The following SLC24A3 variants were observed in gnomAD, a reference collection of about 807,000 sequenced individuals.
SLC24A3 encodes the protein sodium/potassium/calcium exchanger 3.
In SLC24A3, 28 loss-of-function variants were observed where a neutral mutation model predicts 75.8. The ratio of observed to expected loss-of-function variants is 0.37; its 90% CI spans 0.27 to 0.51. The LOEUF is 0.51. SLC24A3 is among the 20% of genes least tolerant of loss of function. SLC24A3 has a pLI of 0.94. For missense variants in SLC24A3, 663 were observed against 847.8 expected (o/e 0.78, Z 2.71); for synonymous variants, 372 against 334.1 (o/e 1.11, Z -1.24).
intron 1 of SLC24A3, among the ~76,000 whole-genome samples, chr20:19,219,625 T>G (rs1981653155): frequency 6.6e-6 from 1 of 151,976 alleles, no homozygotes; most frequent in Non-Finnish European, 1.5e-5. Flanking sequence ...TGAGGAAGAA[T>G]GGAGGATACA....
intron 2 of SLC24A3, among the ~76,000 whole-genome samples, chr20:19,285,710 T>C (rs1983799824): frequency 6.6e-6 from 1 of 152,040 alleles, no homozygotes; most frequent in Admixed American, 6.6e-5. Context: ...GAAACATTTT[T>C]TTTTTTTTCT....
At chr20:19,697,015 A>G in intron 14 of SLC24A3, 104 bp downstream of exon 14, 1 of 317,250 alleles carries the variant, frequency 3.2e-6, no homozygotes, top group East Asian at 3.9e-5. Context: ...GGGAGAAGAG[A>G]AAGGGAGGGA....
At chr20:19,668,044 A>G (rs1021596342) in intron 8 of SLC24A3, among the ~76,000 whole-genome samples, 1 of 152,054 alleles carries the variant, frequency 6.6e-6, no homozygotes. Context: ...CATTGGAATC[A>G]TAAGTCATGC....
At chr20:19,599,122 A>G (rs887135332) in intron 6 of SLC24A3, among the ~76,000 whole-genome samples, 3 of 152,176 alleles carry the variant, frequency 2.0e-5, no homozygotes, top group Admixed American at 2.0e-4. Context: ...TAGAGCCCAG[A>G]GAGGGAGGTT....
chr20:19,258,549 C>T (rs1600396973), intron 1 of SLC24A3, among the ~76,000 whole-genome samples: 1 of 152,038 alleles, frequency 6.6e-6, no homozygotes, highest in East Asian at 1.9e-4. Context: ...AATAAAAATA[C>T]AAAATTAGCT....
intron 7 of SLC24A3, among the ~76,000 whole-genome samples, chr20:19,663,239 G>A (rs546258747): frequency 4.9e-4 from 75 of 151,730 alleles, no homozygotes; most frequent in African/African-American, 1.7e-3. Flanking sequence ...AGCCAATTTA[G>A]ATTTTCTCAG....
intron 1 of SLC24A3, among the ~76,000 whole-genome samples, chr20:19,224,556 T>C (rs1183120306): frequency 6.6e-6 from 1 of 152,200 alleles, no homozygotes; most frequent in Non-Finnish European, 1.5e-5. Context: ...TGATTTTTTT[T>C]CTGTCATTTG....
chr20:19,243,500 C>T (rs1600390071), intron 1 of SLC24A3, among the ~76,000 whole-genome samples: 2 of 152,222 alleles, frequency 1.3e-5, no homozygotes, highest in South Asian at 4.1e-4. Flanking sequence ...AAGGACCCCA[C>T]AGGGTAGATG....
At chr20:19,300,207 T>C (rs1984163381) in intron 2 of SLC24A3, among the ~76,000 whole-genome samples, 1 of 152,240 alleles carries the variant, frequency 6.6e-6, no homozygotes, top group Admixed American at 6.5e-5. Flanking sequence ...GGCTGGCCTC[T>C]GTGAGTCCCC....
chr20:19,407,861 G>C (rs1410657812), intron 2 of SLC24A3, among the ~76,000 whole-genome samples: 3 of 152,176 alleles, frequency 2.0e-5, no homozygotes, highest in Non-Finnish European at 4.4e-5. Flanking sequence ...ACTGAAATAG[G>C]AGTAAGTCCT....
chr20:19,651,076 A>G (rs1341854976), intron 6 of SLC24A3, among the ~76,000 whole-genome samples: 2 of 152,038 alleles, frequency 1.3e-5, no homozygotes, highest in Admixed American at 1.3e-4. Context: ...AATTATCATC[A>G]TAGATTCTGG....
chr20:19,319,658 A>T (rs971441212), intron 2 of SLC24A3, among the ~76,000 whole-genome samples: 1 of 152,214 alleles, frequency 6.6e-6, no homozygotes, highest in Non-Finnish European at 1.5e-5. Context: ...CCTAGGTTGG[A>T]TGCAGTGAGA....
intron 6 of SLC24A3, among the ~76,000 whole-genome samples, chr20:19,587,052 A>G (rs1292549711): frequency 6.6e-6 from 1 of 152,150 alleles, no homozygotes; most frequent in African/African-American, 2.4e-5. Context: ...GTGGCCTTCC[A>G]CAGATGAACA....
chr20:19,596,382 G>A (rs993939693), intron 6 of SLC24A3, among the ~76,000 whole-genome samples: 2 of 152,178 alleles, frequency 1.3e-5, no homozygotes, highest in Admixed American at 6.5e-5. Flanking sequence ...CTGGATATTT[G>A]CCCTGAGCAG....
chr20:19,431,965 A>G (rs1253861040), intron 2 of SLC24A3, among the ~76,000 whole-genome samples: 2 of 152,116 alleles, frequency 1.3e-5, no homozygotes, highest in East Asian at 1.9e-4. Flanking sequence ...ATTTTGTTTT[A>G]GAATTCTTAA....
chr20:19,218,873 T>C (rs367720014), intron 1 of SLC24A3, among the ~76,000 whole-genome samples: 18 of 152,272 alleles, frequency 1.2e-4, no homozygotes, highest in African/African-American at 4.3e-4. Context: ...GGAGGAATAA[T>C]AGTACACAGA....
chr20:19,702,008 AAGGTGAAATCAAAAAC>A (rs2032880325), intron 15 of SLC24A3, among the ~76,000 whole-genome samples: 1 of 152,212 alleles, frequency 6.6e-6, no homozygotes, highest in Non-Finnish European at 1.5e-5. Flanking sequence ...ACAATCATAG[AAGGTGAAATCAAAAAC>A]TTTCAAAACA....
chr20:19,436,052 G>A (rs1221746640), intron 2 of SLC24A3, among the ~76,000 whole-genome samples: 1 of 152,158 alleles, frequency 6.6e-6, no homozygotes, highest in East Asian at 1.9e-4. Context: ...AATGCAAATA[G>A]TGGAGATAAT....
intron 2 of SLC24A3, among the ~76,000 whole-genome samples, chr20:19,416,924 A>G (rs1986837150): frequency 6.6e-6 from 1 of 152,244 alleles, no homozygotes; most frequent in Admixed American, 6.5e-5. Flanking sequence ...GTACTGTGGG[A>G]GCACAGAAGG....
Sources: gnomAD v4.1 joint callset for allele counts (sites outside exome capture counted in the v4.1 genomes callset) on GRCh38, gnomAD v4.1.1 for gene constraint, MANE v1.5 for transcripts, NCBI Gene and HGNC (gene_info 2026-07-23, HGNC 2026-07-21) for gene names.